Variants in RHOH observed in about 807,000 individuals in gnomAD.
RHOH encodes rho-related GTP-binding protein RhoH.
A neutral mutation model predicts 13.8 loss-of-function variants in RHOH; 6 were observed. The ratio of observed to expected loss-of-function variants is 0.44; its 90% CI spans 0.24 to 0.86. RHOH has a LOEUF of 0.86. Among genes scored for constraint, RHOH ranks in the 40% least tolerant of loss-of-function variants. The probability of loss-of-function intolerance (pLI) is 0.24; values close to 1 mark genes in which losing one functional copy is unlikely to be tolerated. For missense variants in RHOH, 147 were observed against 244.5 expected, an observed-to-expected ratio of 0.60 and a Z score of 2.66; for synonymous variants, 117 against 103.0, an observed-to-expected ratio of 1.14 and a Z score of -0.82.
At chr4:40,219,914 C>T (rs1199565992) in intron 1 of RHOH, among the ~76,000 whole-genome samples, 2 of 152,080 alleles carry the variant, frequency 1.3e-5, no homozygotes, top group Non-Finnish European at 2.9e-5. Flanking sequence ...TTATTATATG[C>T]ATTCGTACTT....
intron 1 of RHOH, among the ~76,000 whole-genome samples, chr4:40,238,025 G>A (rs1030394524): frequency 1.2e-4 from 19 of 152,282 alleles, no homozygotes; most frequent in African/African-American, 4.6e-4. Context: ...TTTCTGTATT[G>A]TTATCATTTC....
Position 40,243,861 on chromosome 4 carries a change from G to T in RHOH, c.475G>T (p.Val159Leu). The T allele has an allele frequency of 1.2e-6, 2 of 1,614,192 alleles. No individual in the cohort carries two copies. Among genetic ancestry groups the T allele is most frequent in the Non-Finnish European group, 1.7e-6 (2 of 1,180,020 alleles). The change falls in exon 3 of 3, where the codon GTA becomes TTA. Residue 159 changes from valine (V) to leucine (L), a missense_variant. Physicochemically the swap from Val to Leu is conservative, Grantham distance 32. Around this residue, in one of 3 missense-constraint regions of RHOH, gnomAD observed 31 missense variants for 61.8 expected, o/e 0.50. Transcript: ENST00000381799. This position sits in a 1 kb window ranked among gnomAD's most constrained non-coding sequence, Gnocchi z 6.2. ...GTGCTCAGCCCTTAGCAATCGGGGA[G>T]TACAGCAGGTGTTTGAGTGCGCCGT... ...LECSALSNRGVQQVFECAVRT... is the reference protein window; with the variant it reads ...LECSALSNRGLQQVFECAVRT...
chr4:40,227,116 C>A (rs1449790279), intron 1 of RHOH, among the ~76,000 whole-genome samples: 2 of 152,184 alleles, frequency 1.3e-5, no homozygotes, highest in African/African-American at 4.8e-5. Flanking sequence ...CCGATCTCGC[C>A]ACTGCACTCC....
chr4:40,234,181 G>GT (rs2109530570), intron 1 of RHOH, among the ~76,000 whole-genome samples: 1 of 86,692 alleles, frequency 1.2e-5, no homozygotes, highest in Non-Finnish European at 3.0e-5. Context: ...GAAAACACGA[G>GT]TCTTTGGTAA....
At chr4:40,228,752 C>T (rs1224323101) in intron 1 of RHOH, among the ~76,000 whole-genome samples, 1 of 152,074 alleles carries the variant, frequency 6.6e-6, no homozygotes, top group Admixed American at 6.6e-5. Flanking sequence ...CTCCAAAGCC[C>T]CCTCACCTTT....
chr4:40,218,554 C>T lies in RHOH; in HGVS notation c.-331+21254C>T, dbSNP rs969335886. On this transcript the variant is annotated intron_variant, in intron 1 of 2. Coordinates refer to ENST00000381799, the MANE Select transcript of RHOH (RefSeq NM_004310.5). This position sits in a 1 kb window ranked among gnomAD's most constrained non-coding sequence, Gnocchi z 4.1. ...CAAGGCTGGGGGTGGAGAGGTAAGG[C>T]TAGGGAAGTCAAGGAAGGCATGAGG... 1.3e-5 allele frequency among the ~76,000 whole-genome samples: 2 copies of T among 151,948 alleles called. No individual in the cohort carries two copies. Among genetic ancestry groups the T allele is most frequent in the Non-Finnish European group, 2.9e-5 (2 of 67,942 alleles).
intron 1 of RHOH, among the ~76,000 whole-genome samples, chr4:40,208,189 C>T (rs144166512): frequency 3.7e-4 from 56 of 152,200 alleles, no homozygotes; most frequent in South Asian, 1.5e-3. Flanking sequence ...TACAATCAAT[C>T]GAGCTATTTG....
chr4:40,217,291 T>C (rs2109432183), intron 1 of RHOH, among the ~76,000 whole-genome samples: 1 of 152,330 alleles, frequency 6.6e-6, no homozygotes, highest in East Asian at 1.9e-4. Context: ...CCAGTGACAC[T>C]AGCAAATGTT....
At chr4:40,220,123 C>T (rs905329278) in intron 1 of RHOH, among the ~76,000 whole-genome samples, 3 of 152,132 alleles carry the variant, frequency 2.0e-5, no homozygotes, top group Non-Finnish European at 2.9e-5. Context: ...ACATCATCTT[C>T]CACCTGTGCT....
intron 1 of RHOH, among the ~76,000 whole-genome samples, chr4:40,225,817 T>A: frequency 6.6e-6 from 1 of 152,036 alleles, no homozygotes; most frequent in East Asian, 1.9e-4. Flanking sequence ...AAGAGAGAGG[T>A]AGGGAGAGGG....
chr4:40,206,637 G>A (rs1373041839), intron 1 of RHOH, among the ~76,000 whole-genome samples: 4 of 152,104 alleles, frequency 2.6e-5, no homozygotes, highest in African/African-American at 7.2e-5. Flanking sequence ...ATGTGATAAG[G>A]AAGTAGGAGA....
At chr4:40,228,349 A>G (rs1727493124) in intron 1 of RHOH, among the ~76,000 whole-genome samples, 1 of 152,218 alleles carries the variant, frequency 6.6e-6, no homozygotes, top group Non-Finnish European at 1.5e-5. Flanking sequence ...TCTTTGGATC[A>G]GTGTTTTCGA....
intron 1 of RHOH, among the ~76,000 whole-genome samples, chr4:40,220,372 A>G (rs930871929): frequency 3.3e-5 from 5 of 151,942 alleles, no homozygotes; most frequent in African/African-American, 1.2e-4. Context: ...GGCTGTTTAA[A>G]TTTTAATTTT....
chr4:40,230,239 A>G (rs1727752156), intron 1 of RHOH, among the ~76,000 whole-genome samples: 1 of 152,030 alleles, frequency 6.6e-6, no homozygotes, highest in Admixed American at 6.6e-5. Flanking sequence ...GGGTTTCGCC[A>G]TGTTGGCCAG....
intron 1 of RHOH, among the ~76,000 whole-genome samples, chr4:40,202,244 C>T (rs1724109236): frequency 6.6e-6 from 1 of 151,892 alleles, no homozygotes; most frequent in African/African-American, 2.4e-5. Flanking sequence ...TGCGCACAGC[C>T]CATGGGTTCT....
chr4:40,196,714 T>TA (rs1351708190), upstream of RHOH, among the ~76,000 whole-genome samples: 2 of 124,792 alleles, frequency 1.6e-5, no homozygotes, highest in African/African-American at 6.6e-5. Context: ...TTTTTTTTGG[T>TA]AATTTTACTT....
rs559642842 is a variant in RHOH at position 40,243,262 on chromosome 4, G to T, written c.-125G>T. ...TAACATTCTGCAAATCGCCGTCAGA[G>T]GTCCTGAGGACACAGACCTACCTGG... On this transcript the variant is annotated 5_prime_UTR_variant, in exon 3 of 3. It adds an upstream start codon to the 5' untranslated region. Coordinates refer to ENST00000381799, the MANE Select transcript of RHOH (RefSeq NM_004310.5). This position sits in a 1 kb window ranked among gnomAD's most constrained non-coding sequence, Gnocchi z 6.2. The T allele has an allele frequency of 4.0e-5, 29 of 728,416 alleles. No homozygotes were observed. Among genetic ancestry groups the T allele is most frequent in the Admixed American group, 6.1e-5 (2 of 32,568 alleles). The allele number at this position is 728,416 out of a possible 1,614,324, so 45.1% of individuals were successfully genotyped here. A position where few individuals can be genotyped will look rare whatever the true frequency, so the allele number is the denominator to read the frequency against.
intron 1 of RHOH, among the ~76,000 whole-genome samples, chr4:40,226,568 C>T (rs895753876): frequency 6.6e-6 from 1 of 151,758 alleles, no homozygotes; most frequent in African/African-American, 2.4e-5. Context: ...AATATCTAAC[C>T]GTGACTGTCA....
chr4:40,238,227 G>A (rs1042095548), intron 1 of RHOH, among the ~76,000 whole-genome samples: 1 of 152,020 alleles, frequency 6.6e-6, no homozygotes, highest in Non-Finnish European at 1.5e-5. Flanking sequence ...TGATCTGGCA[G>A]CGGCTGGGGA....
Sources: gnomAD v4.1 joint callset for allele counts (sites outside exome capture counted in the v4.1 genomes callset) on GRCh38, gnomAD v4.1.1 for gene constraint, gnomAD v4.1.1 regional missense constraint, Gnocchi (gnomAD v3.1) non-coding constraint, MANE v1.5 for transcripts, NCBI Gene and HGNC (gene_info 2026-07-23, HGNC 2026-07-21) for gene names.